The following KCNA2 variants were observed in gnomAD, a reference collection of about 807,000 sequenced individuals.
KCNA2 encodes the protein potassium channel, voltage gated shaker related subfamily A, member 2.
KCNA2 carries 11 observed loss-of-function variants against 33.4 expected under a neutral mutation model. The observed-to-expected ratio is 0.33, with a 90% confidence interval of 0.21 to 0.55. The LOEUF (loss-of-function observed/expected upper bound fraction) is 0.55. KCNA2 is among the 20% of genes least tolerant of loss of function. The pLI, the probability that KCNA2 is intolerant of heterozygous loss-of-function variation, is 0.93. For synonymous variants in KCNA2, 222 were observed against 231.3 expected, an observed-to-expected ratio of 0.96 and a Z score of 0.37; for missense variants, 291 against 621.6, an observed-to-expected ratio of 0.47 and a Z score of 5.66.
At chr1:110,630,319 C>T (rs1314971718) in intron 1 of KCNA2, among the ~76,000 whole-genome samples, 1 of 151,898 alleles carries the variant, frequency 6.6e-6, no homozygotes, top group Non-Finnish European at 1.5e-5. Flanking sequence ...CCACACCCGG[C>T]CAGTGCTCTG....
upstream of KCNA2, chr1:110,606,848 C>T (rs1173455337): frequency 6.6e-6 from 1 of 152,316 alleles, no homozygotes; most frequent in Non-Finnish European, 1.5e-5. Context: ...TGCAGCAAAG[C>T]CGTTTGTTAT....
Position 110,598,698 on chromosome 1 carries a change from C to A in KCNA2, c.*4585G>T. 4.1e-6 allele frequency: 4 copies of A among 985,272 alleles called. No individual in the cohort carries two copies. The highest frequency in any genetic ancestry group is 4.8e-6 in the Non-Finnish European group (4 of 829,914). The allele number at this position is 985,272 out of a possible 1,614,324, so 61.0% of individuals were successfully genotyped here. On this transcript the variant is annotated 3_prime_UTR_variant, in exon 3 of 3. Coordinates refer to ENST00000316361, the MANE Select transcript of KCNA2 (RefSeq NM_004974.4). ...CGTGGGGCCCCTTTTAAAAGGCTAA[C>A]CTCATGGTGACATGCCAACACTAGC... is the stretch of plus-strand genomic sequence containing the variant.
chr1:110,593,808 A>G lies in KCNA2; in HGVS notation c.*9475T>C. The G allele has an allele frequency of 6.6e-6, 10 of 1,516,696 alleles. No individual in the cohort carries two copies. The South Asian group carries it at 1.1e-4, about 17-fold the overall frequency. 94.0% of individuals were successfully genotyped at this position (1,516,696 alleles called of 1,614,324 possible). On this transcript the variant is annotated 3_prime_UTR_variant, in exon 3 of 3. Coordinates refer to ENST00000316361, the MANE Select transcript of KCNA2 (RefSeq NM_004974.4). Reference sequence around the variant, plus strand: ...TACAAATATCAGACCCTACTGACACAGGAACTCTCAGCTGCAGAAGTCCTG... The same window carrying G: ...TACAAATATCAGACCCTACTGACACGGGAACTCTCAGCTGCAGAAGTCCTG...
Position 110,596,976 on chromosome 1 carries a change from T to C in KCNA2, c.*6307A>G. ...AGCCCCTGGCTATGTGTGCAAATAT[T>C]TGTGCAGCTGCACACTCTAGCGGGT... On this transcript the variant is annotated 3_prime_UTR_variant, in exon 3 of 3. Coordinates refer to ENST00000316361, the MANE Select transcript of KCNA2 (RefSeq NM_004974.4). 1.0e-6 allele frequency: 1 copy of C among 985,446 alleles called. No homozygotes were observed. The highest frequency in any genetic ancestry group is 1.2e-6 in the Non-Finnish European group (1 of 829,934). The allele number at this position is 985,446 out of a possible 1,614,324, so 61.0% of individuals were successfully genotyped here. A position where few individuals can be genotyped will look rare whatever the true frequency, so the allele number is the denominator to read the frequency against.
At position 110,599,234 on chromosome 1, in the gene KCNA2, C is replaced by T; in HGVS notation, c.*4049G>A. ...GGTGAAGCCTTTGCTAAAATGCACT[C>T]AGCTCTCAGCTAGTCCTACTTAGGG... On this transcript the variant is annotated 3_prime_UTR_variant, in exon 3 of 3. Transcript: ENST00000316361. The T allele has an allele frequency of 1.0e-6, 1 of 985,454 alleles. No individual in the cohort carries two copies. Among genetic ancestry groups the T allele is most frequent in the Non-Finnish European group, 1.2e-6 (1 of 829,918 alleles). The allele number at this position is 985,454 out of a possible 1,614,324, so 61.0% of individuals were successfully genotyped here.
At chr1:110,618,650 TAATTG>T (rs1055981575) in intron 1 of KCNA2, among the ~76,000 whole-genome samples, 2 of 152,150 alleles carry the variant, frequency 1.3e-5, no homozygotes, top group African/African-American at 4.8e-5. Context: ...ACTTAGAGTC[TAATTG>T]GCAGCTCAAA....
Position 110,595,090 on chromosome 1 carries a change from C to T in KCNA2, c.*8193G>A. ...GGCCTCTCACAGAGACTCAGAAAGA[C>T]ACCAGACTGAGTCCTCTGGATAGCT... On this transcript the variant is annotated 3_prime_UTR_variant, in exon 3 of 3. Transcript: ENST00000316361. The T allele has an allele frequency of 1.0e-6, 1 of 985,382 alleles. No homozygotes were observed. Among genetic ancestry groups the T allele is most frequent in the Non-Finnish European group, 1.2e-6 (1 of 829,926 alleles). 61.0% of individuals were successfully genotyped at this position (985,382 alleles called of 1,614,324 possible).
intron 1 of KCNA2, among the ~76,000 whole-genome samples, chr1:110,624,403 G>T (rs1320085500): frequency 6.6e-6 from 1 of 152,234 alleles, no homozygotes; most frequent in Non-Finnish European, 1.5e-5. Flanking sequence ...CATATCATAT[G>T]ACTCCACTCC....
chr1:110,606,638 C>A (rs114365050), upstream of KCNA2: 15,353 of 152,492 alleles, frequency 0.1, 1,012 homozygotes, highest in Non-Finnish European at 0.15. Flanking sequence ...CTGCTGCGGG[C>A]CCAAGCGCAG....
chr1:110,602,278 GA>G lies in KCNA2; in HGVS notation c.*1004del. On this transcript the variant is annotated 3_prime_UTR_variant, in exon 3 of 3. Coordinates refer to ENST00000316361, the MANE Select transcript of KCNA2 (RefSeq NM_004974.4). ...TGGAGGGATTTTTGCCTTCTGATGG[GA>G]AAAAAACCCCTAGTTCAAGACCATT... is the stretch of plus-strand genomic sequence containing the variant. 1.3e-6 allele frequency: 2 copies of G among 1,496,290 alleles called. No homozygotes were observed. The highest frequency in any genetic ancestry group is 1.8e-6 in the Non-Finnish European group (2 of 1,126,276). 92.7% of individuals were successfully genotyped at this position (1,496,290 alleles called of 1,614,324 possible).
intron 1 of KCNA2, among the ~76,000 whole-genome samples, chr1:110,622,616 A>G (rs1650288115): frequency 1.3e-5 from 2 of 152,178 alleles, no homozygotes; most frequent in African/African-American, 4.8e-5. Flanking sequence ...CAAAAGAGCT[A>G]CTAGAATTCA....
chr1:110,596,337 A>T lies in KCNA2; in HGVS notation c.*6946T>A. ...AATAGTATACATATATACATATACT[A>T]TATATATATATATACACACATAAAT... is the stretch of plus-strand genomic sequence containing the variant. On this transcript the variant is annotated 3_prime_UTR_variant, in exon 3 of 3. Coordinates refer to ENST00000316361, the MANE Select transcript of KCNA2 (RefSeq NM_004974.4). 1 of 266,896 alleles carries T rather than the reference A, an allele frequency of 3.7e-6. No individual in the cohort carries two copies. Among genetic ancestry groups the T allele is most frequent in the Non-Finnish European group, 5.7e-6 (1 of 175,218 alleles). 16.5% of individuals were successfully genotyped at this position (266,896 alleles called of 1,614,324 possible).
intron 1 of KCNA2, among the ~76,000 whole-genome samples, chr1:110,616,241 T>C (rs1269433533): frequency 1.3e-5 from 2 of 152,176 alleles, no homozygotes; most frequent in Admixed American, 6.5e-5. Flanking sequence ...CTGTAGCCCC[T>C]GGCCCAGGCT....
chr1:110,608,462 G>T (rs890974291), upstream of KCNA2, among the ~76,000 whole-genome samples: 5 of 152,146 alleles, frequency 3.3e-5, no homozygotes, highest in African/African-American at 1.2e-4. Context: ...CTACCCTCCG[G>T]CCGGGAAACC....
At chr1:110,613,723 G>A (rs950616985) in intron 1 of KCNA2, among the ~76,000 whole-genome samples, 4 of 152,164 alleles carry the variant, frequency 2.6e-5, no homozygotes, top group South Asian at 4.1e-4. Flanking sequence ...CCCAGAGCTG[G>A]TGGCTCCCTC....
At position 110,596,528 on chromosome 1, in the gene KCNA2, G is replaced by T; in HGVS notation, c.*6755C>A. On this transcript the variant is annotated 3_prime_UTR_variant, in exon 3 of 3. Coordinates refer to ENST00000316361, the MANE Select transcript of KCNA2 (RefSeq NM_004974.4). The stretch of plus-strand genomic sequence containing the variant: ...AGTGGCCCATTTCCAGGCCTGTCTT[G>T]TAGCCAGCAGCCATTCAGCCTGTCT... 5.2e-6 allele frequency: 1 copy of T among 194,036 alleles called. No homozygotes were observed. Among genetic ancestry groups the T allele is most frequent in the Non-Finnish European group, 9.4e-6 (1 of 106,328 alleles). The allele number at this position is 194,036 out of a possible 1,614,324, so 12.0% of individuals were successfully genotyped here.
At position 110,599,628 on chromosome 1, in the gene KCNA2, G is replaced by A; in HGVS notation, c.*3655C>T. The A allele has an allele frequency of 3.0e-6, 3 of 985,408 alleles. No individual in the cohort carries two copies. Among genetic ancestry groups the A allele is most frequent in the African/African-American group, 1.7e-5 (1 of 57,346 alleles). 61.0% of individuals were successfully genotyped at this position (985,408 alleles called of 1,614,324 possible). On this transcript the variant is annotated 3_prime_UTR_variant, in exon 3 of 3. Transcript: ENST00000316361. ...TATAGGGTCTCAACTTCCTGACCGT[G>A]CCCCCAACAAAGCTGCAAAGGATGG...
In KCNA2 at chr1:110,598,910, T is replaced by C; in HGVS notation, c.*4373A>G. 3.0e-6 allele frequency: 3 copies of C among 985,438 alleles called. No individual in the cohort carries two copies. Among genetic ancestry groups the C allele is most frequent in the Non-Finnish European group, 3.6e-6 (3 of 829,924 alleles). 61.0% of individuals were successfully genotyped at this position (985,438 alleles called of 1,614,324 possible). A position where few individuals can be genotyped will look rare whatever the true frequency, so the allele number is the denominator to read the frequency against. ...TCTCTTCCTGACAATCTCTCCACCTTTCCTGGGCCTATTCCTTTTCGGTCT... is the reference window on the plus strand; with the variant it reads ...TCTCTTCCTGACAATCTCTCCACCTCTCCTGGGCCTATTCCTTTTCGGTCT... On this transcript the variant is annotated 3_prime_UTR_variant, in exon 3 of 3. Coordinates refer to ENST00000316361, the MANE Select transcript of KCNA2 (RefSeq NM_004974.4).
At position 110,594,028 on chromosome 1, in the gene KCNA2, C is replaced by G; in HGVS notation, c.*9255G>C. The G allele has an allele frequency of 1.3e-6, 2 of 1,530,608 alleles. No homozygotes were observed. Among genetic ancestry groups the G allele is most frequent in the Non-Finnish European group, 1.8e-6 (2 of 1,138,722 alleles). The allele number at this position is 1,530,608 out of a possible 1,614,324, so 94.8% of individuals were successfully genotyped here. Reference sequence around the variant, plus strand: ...GCCTTCAGCTCTCATTGGTCCCCAGCCTCTTATCACCATGGAGACCCCAGT... The same window carrying G: ...GCCTTCAGCTCTCATTGGTCCCCAGGCTCTTATCACCATGGAGACCCCAGT... On this transcript the variant is annotated 3_prime_UTR_variant, in exon 3 of 3. Transcript: ENST00000316361.
Sources: gnomAD v4.1 joint callset for allele counts (sites outside exome capture counted in the v4.1 genomes callset) on GRCh38, gnomAD v4.1.1 for gene constraint, MANE v1.5 for transcripts, NCBI Gene and HGNC (gene_info 2026-07-23, HGNC 2026-07-21) for gene names.